GRM7: variants seen among roughly 807,000 people sequenced by gnomAD.
The protein encoded by GRM7 is metabotropic glutamate receptor 7.
GRM7 carries 35 observed loss-of-function variants against 84.5 expected under a neutral mutation model. The ratio of observed to expected loss-of-function variants is 0.41; its 90% CI spans 0.32 to 0.55. The LOEUF is 0.55. Among genes scored for constraint, GRM7 ranks in the 20% least tolerant of loss-of-function variants. GRM7 has a pLI of 0.19. For synonymous variants in GRM7, 487 were observed against 455.1 expected, an observed-to-expected ratio of 1.07 and a Z score of -0.89; for missense variants, 1,003 against 1,194.6, an observed-to-expected ratio of 0.84 and a Z score of 2.36.
intron 2 of GRM7, among the ~76,000 whole-genome samples, chr3:7,198,916 A>G (rs969334015): frequency 6.6e-6 from 1 of 152,198 alleles, no homozygotes. Flanking sequence ...TGAAATCAGA[A>G]AGACAGAAAA....
At chr3:6,940,584 T>C (rs573231192) in intron 1 of GRM7, among the ~76,000 whole-genome samples, 137 of 152,304 alleles carry the variant, frequency 9.0e-4, no homozygotes, top group African/African-American at 3.1e-3. Context: ...AAGTTCATTT[T>C]TTAAAAGAAC....
At chr3:7,731,989 C>T (rs1007648199) in intron 9 of GRM7, among the ~76,000 whole-genome samples, 1 of 152,138 alleles carries the variant, frequency 6.6e-6, no homozygotes, top group African/African-American at 2.4e-5. Flanking sequence ...GAGCTTTGAA[C>T]GAGATAATAT....
chr3:7,175,971 G>A (rs114397307), intron 2 of GRM7, among the ~76,000 whole-genome samples: 139 of 152,148 alleles, frequency 9.1e-4, no homozygotes, highest in Non-Finnish European at 1.7e-3. Flanking sequence ...GTGTGTAGGT[G>A]GGTATGTAAA....
chr3:7,542,913 C>T (rs567086642), intron 7 of GRM7, among the ~76,000 whole-genome samples: 30 of 152,226 alleles, frequency 2.0e-4, no homozygotes, highest in Non-Finnish European at 3.7e-4. Context: ...TATCGACTTG[C>T]GTACTTTCTG....
chr3:7,360,526 A>G (rs530947231), intron 4 of GRM7, among the ~76,000 whole-genome samples: 2 of 152,242 alleles, frequency 1.3e-5, no homozygotes, highest in African/African-American at 4.8e-5. Flanking sequence ...GTAGATGGAA[A>G]ATATTTTTCA....
intron 8 of GRM7, among the ~76,000 whole-genome samples, chr3:7,671,593 C>T (rs1475746350): frequency 6.7e-6 from 1 of 150,278 alleles, no homozygotes; most frequent in South Asian, 2.1e-4. Flanking sequence ...AGGTCTTGTC[C>T]AATACTCATC....
intron 1 of GRM7, among the ~76,000 whole-genome samples, chr3:7,028,224 C>G (rs1272861855): frequency 1.3e-5 from 2 of 152,176 alleles, no homozygotes; most frequent in African/African-American, 4.8e-5. Flanking sequence ...CTGCCTGACT[C>G]CTGGTTTATA....
intron 2 of GRM7, among the ~76,000 whole-genome samples, chr3:7,180,641 A>T (rs1695305638): frequency 6.6e-6 from 1 of 152,198 alleles, no homozygotes; most frequent in Non-Finnish European, 1.5e-5. Flanking sequence ...GGAAGAATTT[A>T]CCAGATACCT....
intron 9 of GRM7, 90 bp from the exon 10 acceptor site, chr3:7,740,267 T>A (rs1702644547): frequency 4.8e-6 from 4 of 829,494 alleles, no homozygotes; most frequent in African/African-American, 1.7e-5. Context: ...TCACTTTGAC[T>A]TTGCACCTCA....
chr3:7,702,652 A>T (rs1032838646), intron 9 of GRM7, among the ~76,000 whole-genome samples: 1 of 152,248 alleles, frequency 6.6e-6, no homozygotes, highest in Non-Finnish European at 1.5e-5. Context: ...TTATAAGTAC[A>T]ATGATTTGAA....
At chr3:7,389,235 A>C (rs1024427412) in intron 4 of GRM7, among the ~76,000 whole-genome samples, 2 of 152,146 alleles carry the variant, frequency 1.3e-5, no homozygotes, top group Admixed American at 1.3e-4. Flanking sequence ...TTGTGGTCTG[A>C]AAAGATGCTT....
At chr3:7,483,802 A>G (rs926943841) in intron 7 of GRM7, among the ~76,000 whole-genome samples, 13 of 151,884 alleles carry the variant, frequency 8.6e-5, no homozygotes, top group African/African-American at 3.1e-4. Flanking sequence ...TATATGTTAT[A>G]TATATTGTTA....
At chr3:7,349,439 A>G (rs1187012158) in intron 4 of GRM7, among the ~76,000 whole-genome samples, 8 of 152,144 alleles carry the variant, frequency 5.3e-5, no homozygotes, top group Admixed American at 1.3e-4. Context: ...CTGATTTGGA[A>G]TTTGTCTTCT....
At chr3:7,021,780 T>C (rs1695785105) in intron 1 of GRM7, among the ~76,000 whole-genome samples, 1 of 152,242 alleles carries the variant, frequency 6.6e-6, no homozygotes. Flanking sequence ...CATTTGCCTA[T>C]TTATCTGACA....
At chr3:7,332,674 C>A (rs1480020665) in intron 4 of GRM7, among the ~76,000 whole-genome samples, 1 of 152,166 alleles carries the variant, frequency 6.6e-6, no homozygotes, top group East Asian at 1.9e-4. Context: ...TGGAGACTCA[C>A]ATTGTGAACT....
intron 4 of GRM7, among the ~76,000 whole-genome samples, chr3:7,386,800 T>G (rs529118516): frequency 2.5e-4 from 38 of 152,298 alleles, no homozygotes; most frequent in Non-Finnish European, 4.1e-4. Flanking sequence ...TTGGGACTAT[T>G]TGGTCAAATG....
chr3:7,371,429 A>G (rs1481878122), intron 4 of GRM7, among the ~76,000 whole-genome samples: 2 of 152,194 alleles, frequency 1.3e-5, no homozygotes, highest in African/African-American at 2.4e-5. Flanking sequence ...ATAGATAATA[A>G]TTGTAATAGA....
intron 1 of GRM7, among the ~76,000 whole-genome samples, chr3:6,947,852 A>C (rs1698149919): frequency 6.6e-6 from 1 of 152,092 alleles, no homozygotes; most frequent in Non-Finnish European, 1.5e-5. Flanking sequence ...AGAGGTGTTT[A>C]TAGTGTTCTC....
intron 4 of GRM7, among the ~76,000 whole-genome samples, chr3:7,369,702 C>G (rs1245094049): frequency 6.6e-6 from 1 of 152,084 alleles, no homozygotes; most frequent in Non-Finnish European, 1.5e-5. Flanking sequence ...CAACTAAAGT[C>G]TGAAGTTTTT....
Sources: gnomAD v4.1 joint callset for allele counts (sites outside exome capture counted in the v4.1 genomes callset) on GRCh38, gnomAD v4.1.1 for gene constraint, MANE v1.5 for transcripts, NCBI Gene and HGNC (gene_info 2026-07-23, HGNC 2026-07-21) for gene names.